VTCN1: variants seen among roughly 807,000 people sequenced by gnomAD.
The protein encoded by VTCN1 is V-set domain containing T cell activation inhibitor 1.
A neutral mutation model predicts 26.5 loss-of-function variants in VTCN1; 26 were observed. The ratio of observed to expected loss-of-function variants is 0.98; its 90% CI spans 0.72 to 1.36. The LOEUF (loss-of-function observed/expected upper bound fraction) is 1.36. Ranked by LOEUF, VTCN1 falls within the 40% of genes most tolerant of loss-of-function variation. VTCN1 has a pLI of 0.00. For synonymous variants in VTCN1, 116 were observed against 130.7 expected (o/e 0.89, Z 0.77); for missense variants, 298 against 337.7 (o/e 0.88, Z 0.92).
At chr1:117,207,505 C>T (rs1275931308) in intron 1 of VTCN1, among the ~76,000 whole-genome samples, 2 of 152,080 alleles carry the variant, frequency 1.3e-5, no homozygotes, top group Non-Finnish European at 2.9e-5. Flanking sequence ...GTCCTGGCCC[C>T]TTGCTTCCCT....
At chr1:117,189,446 G>A (rs1229745810) in intron 1 of VTCN1, among the ~76,000 whole-genome samples, 2 of 152,184 alleles carry the variant, frequency 1.3e-5, no homozygotes, top group East Asian at 1.9e-4. Context: ...GTATTTAACT[G>A]TTTTTCCCTG....
At chr1:117,176,066 G>T (rs1647338381) in intron 1 of VTCN1, among the ~76,000 whole-genome samples, 1 of 152,098 alleles carries the variant, frequency 6.6e-6, no homozygotes, top group Admixed American at 6.6e-5. Context: ...CACCATGCCT[G>T]GCCAGAGACA....
At position 117,159,003 on chromosome 1, in the gene VTCN1, C is replaced by G. The variant is rs1226246829; in HGVS notation, c.98-2082G>C. ...CATCTGAGACCACTTCAGTCTGGACCTTATTGTCCATATCACTATAAGGCT... is the reference window on the plus strand; with the variant it reads ...CATCTGAGACCACTTCAGTCTGGACGTTATTGTCCATATCACTATAAGGCT... On this transcript the variant is annotated intron_variant, in intron 2 of 5. Transcript: ENST00000369458. The surrounding 1 kb of genome is among the most constrained non-coding windows in gnomAD (Gnocchi z 4.7). 1.3e-5 allele frequency among the ~76,000 whole-genome samples: 2 copies of G among 152,164 alleles called. No homozygotes were observed. Among genetic ancestry groups the G allele is most frequent in the Admixed American group, 1.3e-4 (2 of 15,280 alleles).
intron 4 of VTCN1, among the ~76,000 whole-genome samples, chr1:117,149,012 T>C (rs1651657042): frequency 6.6e-6 from 1 of 152,180 alleles, no homozygotes; most frequent in Admixed American, 6.5e-5. Flanking sequence ...CAGCTGCTCC[T>C]AATATACTCA....
chr1:117,183,118 G>T lies in VTCN1; in HGVS notation c.33-12947C>A, dbSNP rs552849694. ...TTGAATAAAAATATAAGCTCAAGAAGATTTTATATAAACCTGTGACTACTT... is the reference window on the plus strand; with the variant it reads ...TTGAATAAAAATATAAGCTCAAGAATATTTTATATAAACCTGTGACTACTT... On this transcript the variant is annotated intron_variant, in intron 1 of 5. Coordinates refer to ENST00000369458, the MANE Select transcript of VTCN1 (RefSeq NM_024626.4). This position sits in a 1 kb window ranked among gnomAD's most constrained non-coding sequence, Gnocchi z 4.1. Among the ~76,000 whole-genome samples, 1 of 152,238 alleles carries T rather than the reference G, an allele frequency of 6.6e-6. No individual in the cohort carries two copies.
chr1:117,202,590 A>G (rs1411468188), intron 1 of VTCN1, among the ~76,000 whole-genome samples: 1 of 152,230 alleles, frequency 6.6e-6, no homozygotes, highest in African/African-American at 2.4e-5. Context: ...TGAAAAGGAA[A>G]TAAGAATATG....
chr1:117,187,309 C>CAAAAAA lies in VTCN1; in HGVS notation c.33-17144_33-17139dup, dbSNP rs11415949. On this transcript the variant is annotated intron_variant, in intron 1 of 5. Transcript: ENST00000369458. ...TGGGTAACAGAGCAAGACCTTGTCT[C>CAAAAAA]AAAAAAAAAAAAAAAAAAAAAAAAG... Among the ~76,000 whole-genome samples the CAAAAAA allele has an allele frequency of 2.7e-5, 2 of 73,242 alleles. 1 individual carries two copies. 48.0% of individuals were successfully genotyped at this position (73,242 alleles called of 152,430 possible).
chr1:117,173,189 C>T (rs890436389), intron 1 of VTCN1: 9 of 716,352 alleles, frequency 1.3e-5, no homozygotes, highest in Non-Finnish European at 1.8e-5. Flanking sequence ...ACACTCACCG[C>T]GAGGTCAGCG....
chr1:117,203,589 C>G (rs10801937), intron 1 of VTCN1: 1 of 984,786 alleles, frequency 1.0e-6, no homozygotes. Context: ...AAAGCGCACA[C>G]AGAGAGAAAT....
chr1:117,153,460 CATT>C, intron 3 of VTCN1, 91 bp from the exon 4 acceptor site: 2 of 981,506 alleles, frequency 2.0e-6, no homozygotes, highest in Non-Finnish European at 2.9e-6. Flanking sequence ...AAAATGCAGT[CATT>C]TTTTTTTTTT....
At chr1:117,210,799 G>A in intron 1 of VTCN1, 25 bp downstream of exon 1, 1 of 1,613,066 alleles carries the variant, frequency 6.2e-7, no homozygotes, top group Non-Finnish European at 8.5e-7. Flanking sequence ...TCACCCATAA[G>A]GATAGAGAGA....
chr1:117,177,992 G>T (rs907321408), intron 1 of VTCN1, among the ~76,000 whole-genome samples: 1 of 149,198 alleles, frequency 6.7e-6, no homozygotes, highest in South Asian at 2.1e-4. Context: ...ATGCTGGAGT[G>T]CAGTGGTGCG....
chr1:117,196,749 A>G (rs1337875443), intron 1 of VTCN1, among the ~76,000 whole-genome samples: 1 of 152,178 alleles, frequency 6.6e-6, no homozygotes, highest in African/African-American at 2.4e-5. Flanking sequence ...CTAGTACCCA[A>G]GTGAATATAT....
chr1:117,194,271 G>C (rs1334770814), intron 1 of VTCN1, among the ~76,000 whole-genome samples: 2 of 151,986 alleles, frequency 1.3e-5, no homozygotes, highest in African/African-American at 4.8e-5. Flanking sequence ...ATGAAAAGGT[G>C]GTCAACATCA....
In VTCN1 at chr1:117,155,454, T is replaced by C. The variant is rs1652024550; in HGVS notation, c.445+1120A>G. 6.6e-6 allele frequency among the ~76,000 whole-genome samples: 1 copy of C among 152,234 alleles called. No individual in the cohort carries two copies. Among genetic ancestry groups the C allele is most frequent in the South Asian group, 2.1e-4 (1 of 4,826 alleles). On this transcript the variant is annotated intron_variant, in intron 3 of 5. Coordinates refer to ENST00000369458, the MANE Select transcript of VTCN1 (RefSeq NM_024626.4). The surrounding 1 kb of genome is among the most constrained non-coding windows in gnomAD (Gnocchi z 4.8). ...GGGAATTTGTTTCATATCCCTCATT[T>C]ATTTAAATAAGTATGAAGTCATATG...
At chr1:117,153,495 T>G (rs1375706847) in intron 3 of VTCN1, 126 bp from the exon 4 acceptor site, 5 of 1,072,322 alleles carry the variant, frequency 4.7e-6, no homozygotes, top group Non-Finnish European at 6.5e-6. Flanking sequence ...TTGAAGCCAC[T>G]CAGTACTTCC....
chr1:117,205,685 C>G (rs1164312471), intron 1 of VTCN1, among the ~76,000 whole-genome samples: 1 of 152,136 alleles, frequency 6.6e-6, no homozygotes, highest in Non-Finnish European at 1.5e-5. Flanking sequence ...AGAATAAGCA[C>G]AGCTGATTAG....
intron 1 of VTCN1, among the ~76,000 whole-genome samples, chr1:117,207,729 G>A (rs1207335906): frequency 6.6e-6 from 1 of 152,052 alleles, no homozygotes. Flanking sequence ...CCAACTCACT[G>A]CACCCAATCC....
intron 1 of VTCN1, among the ~76,000 whole-genome samples, chr1:117,193,062 G>T (rs1648324088): frequency 6.6e-6 from 1 of 152,092 alleles, no homozygotes. Flanking sequence ...CATTTACATT[G>T]TATTAGGTAT....
Sources: gnomAD v4.1 joint callset for allele counts (sites outside exome capture counted in the v4.1 genomes callset) on GRCh38, gnomAD v4.1.1 for gene constraint, Gnocchi (gnomAD v3.1) non-coding constraint, MANE v1.5 for transcripts, NCBI Gene and HGNC (gene_info 2026-07-23, HGNC 2026-07-21) for gene names.